DOP1A: variants seen among roughly 807,000 people sequenced by gnomAD.
The protein encoded by DOP1A is protein DOP1A.
DOP1A carries 90 observed loss-of-function variants against 267.6 expected under a neutral mutation model. That is an observed-to-expected ratio of 0.34 (90% CI 0.28 to 0.40). DOP1A has a LOEUF of 0.40. Among genes scored for constraint, DOP1A ranks in the 10% least tolerant of loss-of-function variants. The pLI is 1.00. For synonymous variants in DOP1A, 932 were observed against 999.1 expected (o/e 0.93, Z 1.27); for missense variants, 2,437 against 2,900.4 (o/e 0.84, Z 3.67).
intron 36 of DOP1A, among the ~76,000 whole-genome samples, chr6:83,159,286 T>A (rs1783629567): frequency 6.6e-6 from 1 of 152,080 alleles, no homozygotes; most frequent in South Asian, 2.1e-4. Context: ...ATGTACTACT[T>A]TTTTTTAGAC....
At chr6:83,101,465 C>T (rs191801296) in intron 4 of DOP1A, among the ~76,000 whole-genome samples, 1 of 152,222 alleles carries the variant, frequency 6.6e-6, no homozygotes, top group East Asian at 1.9e-4. Context: ...CCTTTTTAAG[C>T]TTGAAAACTG....
chr6:83,136,555 C>T (rs994270010), intron 20 of DOP1A, among the ~76,000 whole-genome samples: 2 of 152,110 alleles, frequency 1.3e-5, no homozygotes, highest in African/African-American at 4.8e-5. Flanking sequence ...ATGGCTTTCT[C>T]AGAGTCTCAT....
intron 11 of DOP1A, 40 bp downstream of exon 11, chr6:83,122,090 T>C (rs748776953): frequency 5.0e-6 from 8 of 1,601,598 alleles, no homozygotes; most frequent in South Asian, 1.1e-5. Flanking sequence ...GAAGACATAA[T>C]ATGTATTCAC....
At chr6:83,158,439 A>G (rs1261923980) in intron 35 of DOP1A, 128 bp from the exon 36 acceptor site, 1 of 759,926 alleles carries the variant, frequency 1.3e-6, no homozygotes, top group Non-Finnish European at 2.2e-6. Flanking sequence ...GAAACTAAGT[A>G]TAATTTAAAA....
rs1237286010 is a variant in DOP1A, at chr6:83,158,555, C to T, written c.6742-12C>T. The T allele has an allele frequency of 6.3e-7, 1 of 1,586,684 alleles. No homozygotes were observed. Among genetic ancestry groups the T allele is most frequent in the Admixed American group, 1.7e-5 (1 of 58,850 alleles). On this transcript the variant is annotated splice_polypyrimidine_tract_variant and intron_variant, in intron 35 of 38. Coordinates refer to ENST00000349129, the MANE Select transcript of DOP1A (RefSeq NM_015018.4). Reference sequence around the variant, plus strand: ...CAGTTTAAATAAACATTTAACATTTCACCATTTTCAGGTACAAGTATTTTT... The same window carrying T: ...CAGTTTAAATAAACATTTAACATTTTACCATTTTCAGGTACAAGTATTTTT...
intron 1 of DOP1A, among the ~76,000 whole-genome samples, chr6:83,068,519 A>G (rs1282965944): frequency 6.6e-6 from 1 of 152,196 alleles, no homozygotes; most frequent in Non-Finnish European, 1.5e-5. Context: ...CGTTTGAGAA[A>G]TGTAAAGATT....
At chr6:83,091,777 CTTA>C (rs1770465744) in intron 1 of DOP1A, among the ~76,000 whole-genome samples, 1 of 152,098 alleles carries the variant, frequency 6.6e-6, no homozygotes, top group Non-Finnish European at 1.5e-5. Flanking sequence ...TATTTTATAT[CTTA>C]TTCTGGAAAT....
chr6:83,166,025 G>A lies in DOP1A; in HGVS notation c.7093-1837G>A, dbSNP rs151302678. On this transcript the variant is annotated intron_variant, in intron 38 of 38. Coordinates refer to ENST00000349129, the MANE Select transcript of DOP1A (RefSeq NM_015018.4). ...TGGAGCTTCTTTCAGTCCAGCCACT[G>A]AGCTGGTCATCGCCAGTTGTCGTAT... The A allele has an allele frequency of 6.8e-3, 1,986 of 289,962 alleles. 17 individuals carry two copies. Among genetic ancestry groups the A allele is most frequent in the South Asian group, 0.014 (299 of 21,382 alleles). 18.0% of individuals were successfully genotyped at this position (289,962 alleles called of 1,614,324 possible). A position where few individuals can be genotyped will look rare whatever the true frequency, so the allele number is the denominator to read the frequency against.
In DOP1A at chr6:83,119,858, G is replaced by C; in HGVS notation, c.990+1G>C. Reference sequence around the variant, plus strand: ...CTTTTCAAAAGAATTATTAGTCCAGGTAATGAATACTTTTATTATTCTTTG... The same window carrying C: ...CTTTTCAAAAGAATTATTAGTCCAGCTAATGAATACTTTTATTATTCTTTG... On this transcript the variant is annotated splice_donor_variant, in intron 9 of 38. Transcript: ENST00000349129. LOFTEE classifies it high-confidence loss of function. 1 of 1,604,188 alleles carries C rather than the reference G, an allele frequency of 6.2e-7. No homozygotes were observed.
chr6:83,108,834 A>G (rs1003312932), intron 4 of DOP1A, 76 bp from the exon 5 acceptor site: 24 of 1,343,192 alleles, frequency 1.8e-5, no homozygotes, highest in Non-Finnish European at 2.3e-5. Flanking sequence ...AGAAATATTT[A>G]TACATATAAT....
At chr6:83,118,274 G>C (rs183066702) in intron 7 of DOP1A, among the ~76,000 whole-genome samples, 22 of 152,054 alleles carry the variant, frequency 1.4e-4, no homozygotes, top group African/African-American at 5.3e-4. Context: ...CTAAAACCCA[G>C]ATCTCCTTTA....
intron 38 of DOP1A, 180 bp from the exon 39 acceptor site, chr6:83,167,679 AACT>A: frequency 7.3e-7 from 1 of 1,376,302 alleles, no homozygotes; most frequent in Non-Finnish European, 9.3e-7. Context: ...CTCCATGTAA[AACT>A]AATAAATGGC....
At chr6:83,088,419 C>CT (rs746293399) in intron 1 of DOP1A, among the ~76,000 whole-genome samples, 7,059 of 115,544 alleles carry the variant, frequency 0.061, 437 homozygotes, top group African/African-American at 0.087. Flanking sequence ...TGTCTTCCAT[C>CT]TTTTTTTTTT....
At chr6:83,117,590 G>A (rs778293556) in intron 7 of DOP1A, among the ~76,000 whole-genome samples, 1 of 152,198 alleles carries the variant, frequency 6.6e-6, no homozygotes, top group Non-Finnish European at 1.5e-5. Flanking sequence ...TATAGTAGGT[G>A]CAGCTGCTAT....
chr6:83,138,652 T>G lies in DOP1A; in HGVS notation c.4610T>G (p.Phe1537Cys). The G allele has an allele frequency of 6.2e-7, 1 of 1,613,968 alleles. No individual in the cohort carries two copies. The highest frequency in any genetic ancestry group is 8.5e-7 in the Non-Finnish European group (1 of 1,179,928). ...CTTCATTGTTTGCTGTCATCTATCTTTAGTGCTCAGAAATGGCATAGTGAA... is the reference window on the plus strand; with the variant it reads ...CTTCATTGTTTGCTGTCATCTATCTGTAGTGCTCAGAAATGGCATAGTGAA... ...VILHCLLSSI[F>C]SAQKWHSEKM... Residue 1537 changes from phenylalanine (F) to cysteine (C), a missense_variant, in exon 21 of 39, where the codon TTT becomes TGT. Phe to Cys is a radical substitution (Grantham distance 205, BLOSUM62 -2). Transcript: ENST00000349129.
In DOP1A at chr6:83,120,739, G is replaced by A. The variant is rs751909773; in HGVS notation, c.1047G>A (p.Gln349=). ...NGFGEENTLM[Q]DLKPFRILIS... ...TTGGAGAAGAGAACACTCTAATGCAGGATCTAAAGCCTTTTCGCATTTTAA... is the reference window on the plus strand; with the variant it reads ...TTGGAGAAGAGAACACTCTAATGCAAGATCTAAAGCCTTTTCGCATTTTAA... Residue 349 remains glutamine, a synonymous_variant, in exon 10 of 39, where the codon CAG becomes CAA. Transcript: ENST00000349129. The A allele has an allele frequency of 8.2e-6, 13 of 1,583,800 alleles. No individual in the cohort carries two copies. The South Asian group carries it at 1.2e-4, about 14-fold the overall frequency.
intron 25 of DOP1A, among the ~76,000 whole-genome samples, 177 bp downstream of exon 25, chr6:83,145,835 T>G (rs565256017): frequency 1.3e-5 from 2 of 152,320 alleles, no homozygotes; most frequent in Admixed American, 1.3e-4. Flanking sequence ...TGACTTGCTA[T>G]TCTGATTATT....
chr6:83,140,211 C>A lies in DOP1A; in HGVS notation c.5233-10C>A. On this transcript the variant is annotated splice_polypyrimidine_tract_variant and intron_variant, in intron 22 of 38. Coordinates refer to ENST00000349129, the MANE Select transcript of DOP1A (RefSeq NM_015018.4). ...AAGTAATATGTTTCTTTTCCCCCAA[C>A]TGTTAATAGCTTTTGGTCAGTGTAG... The A allele has an allele frequency of 6.2e-7, 1 of 1,606,954 alleles. No homozygotes were observed. The highest frequency in any genetic ancestry group is 8.5e-7 in the Non-Finnish European group (1 of 1,176,942).
chr6:83,111,307 G>A (rs1774520370), intron 6 of DOP1A, among the ~76,000 whole-genome samples: 1 of 151,160 alleles, frequency 6.6e-6, no homozygotes, highest in Non-Finnish European at 1.5e-5. Context: ...ATATTTTTTG[G>A]GTGTTAAAAA....
Sources: gnomAD v4.1 joint callset for allele counts (sites outside exome capture counted in the v4.1 genomes callset) on GRCh38, gnomAD v4.1.1 for gene constraint, MANE v1.5 for transcripts, NCBI Gene and HGNC (gene_info 2026-07-23, HGNC 2026-07-21) for gene names.